PTPN22: variants seen among roughly 807,000 people sequenced by gnomAD.
PTPN22 encodes tyrosine-protein phosphatase non-receptor type 22.
PTPN22 carries 85 observed loss-of-function variants against 103.3 expected under a neutral mutation model. The ratio of observed to expected loss-of-function variants is 0.82; its 90% confidence interval spans 0.69 to 0.99. The LOEUF (loss-of-function observed/expected upper bound fraction) is 0.99. Among genes scored for constraint, PTPN22 ranks in the 50% least tolerant of loss-of-function variants. PTPN22 has a pLI of 0.00. For missense variants in PTPN22, 865 were observed against 936.9 expected (o/e 0.92, Z 1.00); for synonymous variants, 323 against 310.2 (o/e 1.04, Z -0.43).
chr1:113,848,430 C>A, intron 11 of PTPN22, 110 bp downstream of exon 11: 1 of 1,482,498 alleles, frequency 6.7e-7, no homozygotes. Context: ...GCACACCTGA[C>A]GCTCTCAATT....
chr1:113,859,101 A>G (rs1166108051), intron 2 of PTPN22, 23 bp from the exon 3 acceptor site: 4 of 1,611,248 alleles, frequency 2.5e-6, no homozygotes, highest in Admixed American at 3.4e-5. Flanking sequence ...AGACAGACAT[A>G]GTACAATTAA....
At chr1:113,841,221 T>C (rs909906175) in intron 11 of PTPN22, among the ~76,000 whole-genome samples, 4 of 150,040 alleles carry the variant, frequency 2.7e-5, no homozygotes, top group African/African-American at 7.4e-5. Flanking sequence ...CGAAACTCCA[T>C]CTCAAAGGAA....
chr1:113,867,477 A>C (rs1158241524), intron 1 of PTPN22, among the ~76,000 whole-genome samples: 1 of 152,198 alleles, frequency 6.6e-6, no homozygotes, highest in African/African-American at 2.4e-5. Context: ...TTTCTTAAGG[A>C]GTAGTAAATA....
At chr1:113,829,558 C>T in intron 18 of PTPN22, 34 bp downstream of exon 18, 2 of 1,304,618 alleles carry the variant, frequency 1.5e-6, no homozygotes, top group Non-Finnish European at 2.1e-6. Flanking sequence ...GGGAAAGTTT[C>T]CGGCATGTTT....
chr1:113,843,451 G>T (rs1221667125), intron 11 of PTPN22, among the ~76,000 whole-genome samples: 1 of 152,140 alleles, frequency 6.6e-6, no homozygotes, highest in African/African-American at 2.4e-5. Context: ...AATACTATAT[G>T]ATTCCACCCA....
rs1430510047 is a variant in PTPN22, at chr1:113,855,216, TGG to T, written c.541-169_541-168del. Among the ~76,000 whole-genome samples, 9 of 152,218 alleles carry T rather than the reference TGG, an allele frequency of 5.9e-5. No homozygotes were observed. The East Asian group carries it at 1.7e-3, about 29-fold the overall frequency. On this transcript the variant is annotated intron_variant, in intron 7 of 20. Coordinates refer to ENST00000359785, the Ensembl canonical transcript of PTPN22. The stretch of plus-strand genomic sequence containing the variant: ...ATATTCATAAGATTAAAGTTGAGGC[TGG>T]GTGTGGTGGCTTACGCCTGTAATCC...
At chr1:113,840,179 C>G (rs1416757072) in intron 11 of PTPN22, among the ~76,000 whole-genome samples, 1 of 150,926 alleles carries the variant, frequency 6.6e-6, no homozygotes, top group African/African-American at 2.4e-5. Context: ...CCACTGCATT[C>G]CAGCCTGGGC....
At chr1:113,843,752 C>T (rs751115123) in intron 11 of PTPN22, among the ~76,000 whole-genome samples, 1 of 152,100 alleles carries the variant, frequency 6.6e-6, no homozygotes, top group Admixed American at 6.5e-5. Flanking sequence ...CTAGTATAGA[C>T]TGTATAAAAT....
chr1:113,858,288 G>A (rs1179033140), intron 4 of PTPN22, among the ~76,000 whole-genome samples, 190 bp downstream of exon 4: 2 of 152,144 alleles, frequency 1.3e-5, no homozygotes, highest in East Asian at 3.9e-4. Context: ...GAACCCCTAG[G>A]CTCAAGCTAT....
At chr1:113,833,198 C>A in intron 15 of PTPN22, 60 bp from the exon 16 acceptor site, 4 of 1,379,624 alleles carry the variant, frequency 2.9e-6, no homozygotes, top group Non-Finnish European at 3.0e-6. Flanking sequence ...TATACAAACT[C>A]AAAGCAAAAA....
At chr1:113,857,213 T>A (rs1665160407) in intron 5 of PTPN22, among the ~76,000 whole-genome samples, 1 of 152,228 alleles carries the variant, frequency 6.6e-6, no homozygotes, top group Non-Finnish European at 1.5e-5. Flanking sequence ...TAATCTCAAT[T>A]AGGATGCCAA....
At chr1:113,867,838 A>G (rs1169648218) in intron 1 of PTPN22, among the ~76,000 whole-genome samples, 1 of 152,222 alleles carries the variant, frequency 6.6e-6, no homozygotes, top group Non-Finnish European at 1.5e-5. Context: ...GGACTGCCAC[A>G]TCCAATTATG....
chr1:113,844,654 T>C (rs1189972458), intron 11 of PTPN22, among the ~76,000 whole-genome samples: 1 of 152,212 alleles, frequency 6.6e-6, no homozygotes, highest in East Asian at 1.9e-4. Flanking sequence ...GTCTCATAAA[T>C]TTTGGTATGT....
chr1:113,853,680 A>T (rs868812599), intron 9 of PTPN22, among the ~76,000 whole-genome samples: 58 of 148,632 alleles, frequency 3.9e-4, no homozygotes, highest in Middle Eastern at 3.5e-3. Context: ...TATGTATTTT[A>T]TTTTTATTTT....
In PTPN22 at chr1:113,856,537, A is replaced by G. The variant is rs1406848989; in HGVS notation, c.480+11T>C. 2.5e-6 allele frequency: 4 copies of G among 1,614,092 alleles called. No homozygotes were observed. Among genetic ancestry groups the G allele is most frequent in the Non-Finnish European group, 3.4e-6 (4 of 1,180,030 alleles). The stretch of plus-strand genomic sequence containing the variant: ...GCTTTACTCAGACATGAGAACAGAC[A>G]TTACACTTACACAGGATACAGAGAA... On this transcript the variant is annotated intron_variant, in intron 6 of 20. Transcript: ENST00000359785.
At chr1:113,833,844 A>G (rs968994717) in intron 15 of PTPN22, among the ~76,000 whole-genome samples, 4 of 152,210 alleles carry the variant, frequency 2.6e-5, no homozygotes, top group Admixed American at 6.5e-5. Context: ...GTCATTCTCT[A>G]TAACATATTA....
intron 5 of PTPN22, 183 bp from the exon 6 acceptor site, chr1:113,856,802 T>C (rs1194831885): frequency 1.4e-6 from 1 of 696,520 alleles, no homozygotes; most frequent in Non-Finnish European, 2.3e-6. Context: ...TTAAAGGATA[T>C]ATAAATTACA....
chr1:113,814,443 T>C (rs1661013880), exon 21 of PTPN22: 1 of 153,634 alleles, frequency 6.5e-6, no homozygotes, highest in Non-Finnish European at 1.4e-5. Context: ...CAAAAATAAC[T>C]GTCAGGGAAT....
intron 10 of PTPN22, among the ~76,000 whole-genome samples, chr1:113,849,589 TA>T (rs11361979): frequency 0.2 from 23,820 of 117,864 alleles, 2,041 homozygotes; most frequent in African/African-American, 0.29. Flanking sequence ...TTTATTTATT[TA>T]TTTATTTTTT....
Sources: allele counts gnomAD v4.1 joint callset (sites outside exome capture counted in the v4.1 genomes callset), GRCh38; gene constraint gnomAD v4.1.1; transcripts MANE v1.5; gene names NCBI Gene and HGNC (gene_info 2026-07-23, HGNC 2026-07-21).